Variants in PAX8 observed in about 807,000 individuals in gnomAD.
PAX8 encodes the protein paired box 8.
Under a neutral mutation model 52.4 loss-of-function variants are expected in PAX8, and 15 were observed. That is an observed-to-expected ratio of 0.29 (90% confidence interval 0.19 to 0.44). The LOEUF is 0.44. Among genes scored for constraint, PAX8 ranks in the 20% least tolerant of loss-of-function variants. The probability of loss-of-function intolerance (pLI) is 1.00; values close to 1 mark genes in which losing one functional copy is unlikely to be tolerated. For missense variants in PAX8, 554 were observed against 602.5 expected (o/e 0.92, Z 0.84); for synonymous variants, 284 against 249.7 (o/e 1.14, Z -1.29).
At chr2:113,219,718 G>A (rs1284795481) in intron 11 of PAX8, among the ~76,000 whole-genome samples, 5 of 152,172 alleles carry the variant, frequency 3.3e-5, no homozygotes, top group East Asian at 1.9e-4. Context: ...GGTGCCCTGC[G>A]TCAGTGTCTG....
chr2:113,253,341 C>T (rs1691935147), intron 2 of PAX8, among the ~76,000 whole-genome samples: 1 of 152,120 alleles, frequency 6.6e-6, no homozygotes, highest in Non-Finnish European at 1.5e-5. Flanking sequence ...CAGGTAACCC[C>T]AGTCAGGTCC....
intron 9 of PAX8, among the ~76,000 whole-genome samples, chr2:113,229,093 T>C (rs1176919197): frequency 6.6e-6 from 1 of 152,142 alleles, no homozygotes; most frequent in Admixed American, 6.5e-5. Context: ...GGATAGGCAT[T>C]TGGAGCCAAG....
chr2:113,252,330 T>G (rs1220367893), intron 2 of PAX8, among the ~76,000 whole-genome samples: 4 of 152,156 alleles, frequency 2.6e-5, no homozygotes, highest in Non-Finnish European at 5.9e-5. Context: ...CAGCTTGGTG[T>G]TGTTGCCTTC....
chr2:113,240,874 T>TGTCTGCTA (rs1240088626), intron 7 of PAX8: 2 of 160,988 alleles, frequency 1.2e-5, no homozygotes, highest in African/African-American at 4.8e-5. Flanking sequence ...TGTACCTGTC[T>TGTCTGCTA]GTCTGCTAGA....
In PAX8 at chr2:113,220,126, G is replaced by A. The variant is rs200817352; in HGVS notation, c.1242C>T (p.Ser414=). 626 of 1,613,916 alleles carry A rather than the reference G, an allele frequency of 3.9e-4. 8 individuals are homozygous for A. In the Admixed American group the frequency reaches 9.5e-3, roughly 25 times the overall value. ...TGGAGTTGGGGAAGCGCCAGGCCTC[G>A]CTGTAGGAGGAGTAGGGGGTGTGGC... ...AYGHTPYSSY[S]EAWRFPNSSL... is the part of the protein sequence containing the mutation. The change falls in exon 11 of 12, where the codon AGC becomes AGT. Residue 414 remains serine (S), a synonymous_variant. Transcript: ENST00000429538.
chr2:113,227,285 T>G, intron 9 of PAX8, 29 bp from the exon 10 acceptor site: 1 of 1,557,776 alleles, frequency 6.4e-7, no homozygotes, highest in Non-Finnish European at 8.8e-7. Flanking sequence ...GAGTCGTCAG[T>G]TGGACCATGG....
Position 113,217,013 on chromosome 2 carries a change from G to A in PAX8, c.*1520C>T. The A allele has an allele frequency of 4.3e-6, 1 of 231,270 alleles. No individual in the cohort carries two copies. The highest frequency in any genetic ancestry group is 8.6e-6 in the Non-Finnish European group (1 of 116,780). The allele number at this position is 231,270 out of a possible 1,614,324, so 14.3% of individuals were successfully genotyped here. ...TCTCTCTCCCTTCAGAGCTGTTTAT[G>A]CAGGCTCCAGTCACAGCTATTCCCG... is the stretch of plus-strand genomic sequence containing the variant. On this transcript the variant is annotated 3_prime_UTR_variant, in exon 12 of 12. Transcript: ENST00000429538.
At chr2:113,261,329 G>A (rs977825301) in intron 2 of PAX8, among the ~76,000 whole-genome samples, 1 of 152,094 alleles carries the variant, frequency 6.6e-6, no homozygotes, top group East Asian at 1.9e-4. Flanking sequence ...TACAACTCTG[G>A]GACTGCCCTC....
At chr2:113,246,179 C>T (rs780872394) in intron 3 of PAX8, among the ~76,000 whole-genome samples, 30 of 152,220 alleles carry the variant, frequency 2.0e-4, no homozygotes, top group Non-Finnish European at 2.9e-4. Context: ...CCAAAACTTG[C>T]GCCTATTTCC....
At chr2:113,249,268 G>GTGCCT (rs1164432046) in intron 2 of PAX8, among the ~76,000 whole-genome samples, 2 of 152,254 alleles carry the variant, frequency 1.3e-5, no homozygotes, top group Admixed American at 1.3e-4. Context: ...ACTGGCCAGA[G>GTGCCT]TGCCATTTGT....
intron 2 of PAX8, among the ~76,000 whole-genome samples, chr2:113,258,158 G>A (rs969904578): frequency 6.6e-6 from 1 of 152,164 alleles, no homozygotes; most frequent in Non-Finnish European, 1.5e-5. Flanking sequence ...ACACTTCCAA[G>A]TCCTCTCCAG....
chr2:113,235,482 C>G lies in PAX8; in HGVS notation c.999G>C (p.Gln333His). Residue 333 changes from glutamine (Q) to histidine (H), a missense_variant, in exon 9 of 12, where the codon CAG becomes CAC. Around this residue, in one of 2 missense-constraint regions of PAX8, gnomAD observed 445 missense variants for 409.9 expected, o/e 1.09. Transcript: ENST00000429538. ...AGGGCGGGACCCCGGAGCCGACTTGCTGCAGATCCAAAAAGGCGGAGCTAG... is the reference window on the plus strand; with the variant it reads ...AGGGCGGGACCCCGGAGCCGACTTGGTGCAGATCCAAAAAGGCGGAGCTAG... The part of the protein sequence containing the change: ...SLSSSAFLDL[Q>H]QVGSGVPPFN... 6.2e-7 allele frequency: 1 copy of G among 1,613,704 alleles called. No homozygotes were observed. The highest frequency in any genetic ancestry group is 1.1e-5 in the South Asian group (1 of 91,022).
intron 2 of PAX8, chr2:113,255,362 G>T (rs1038053174): frequency 3.3e-5 from 5 of 151,250 alleles, no homozygotes; most frequent in African/African-American, 1.2e-4. Flanking sequence ...CACCTTCTTT[G>T]CCTTAAACAG....
rs544287331 is a variant in PAX8, at chr2:113,251,638, A to G, written c.26-4719T>C. 2.6e-5 allele frequency among the ~76,000 whole-genome samples: 4 copies of G among 152,316 alleles called. No homozygotes were observed. In the East Asian group the frequency reaches 7.7e-4, roughly 29 times the overall value. On this transcript the variant is annotated intron_variant, in intron 2 of 11. Transcript: ENST00000429538. Reference sequence around the variant, plus strand: ...TAGGTGAAGCTTGCTGTCCAGAAACATATCCTTTTGAAAAGTGACCATTCA... The same window carrying G: ...TAGGTGAAGCTTGCTGTCCAGAAACGTATCCTTTTGAAAAGTGACCATTCA...
intron 10 of PAX8, among the ~76,000 whole-genome samples, chr2:113,221,733 G>A (rs752380115): frequency 6.6e-6 from 1 of 152,156 alleles, no homozygotes; most frequent in Non-Finnish European, 1.5e-5. Flanking sequence ...CTGGGTTGGG[G>A]TTAGTGGGAG....
rs1418022777 is a variant in PAX8 at position 113,246,831 on chromosome 2, G to C, written c.114C>G (p.Ala38=). The C allele has an allele frequency of 1.2e-6, 2 of 1,614,214 alleles. No individual in the cohort carries two copies. The highest frequency in any genetic ancestry group is 3.3e-5 in the Admixed American group (2 of 60,034). Reference sequence around the variant, plus strand: ...TGTCGCAGGGCCTTACACCCTGGTGGGCCAGGTCTACGATGCGCTGGCGGA... The same window carrying C: ...TGTCGCAGGGCCTTACACCCTGGTGCGCCAGGTCTACGATGCGCTGGCGGA... The part of the protein sequence containing the change: ...EVVRQRIVDL[A]HQGVRPCDIS... Residue 38 remains alanine (A), a synonymous_variant, in exon 3 of 12, where the codon GCC becomes GCG. Coordinates refer to ENST00000429538, the MANE Select transcript of PAX8 (RefSeq NM_003466.4).
intron 10 of PAX8, chr2:113,226,926 C>G: frequency 7.0e-7 from 1 of 1,436,160 alleles, no homozygotes; most frequent in South Asian, 1.3e-5. Flanking sequence ...GGTAATGTAG[C>G]AGGCCTGGGA....
At chr2:113,237,971 C>A (rs1229999721) in intron 7 of PAX8, 1 of 152,160 alleles carries the variant, frequency 6.6e-6, no homozygotes, top group Non-Finnish European at 1.5e-5. Context: ...ACCAGGGCAC[C>A]ATTAGCACAT....
intron 2 of PAX8, among the ~76,000 whole-genome samples, chr2:113,277,822 C>T (rs927305213): frequency 2.6e-5 from 4 of 152,148 alleles, no homozygotes; most frequent in Non-Finnish European, 4.4e-5. Flanking sequence ...CCGGCCTGCC[C>T]GGTGCTGGGC....
Sources: gnomAD v4.1 joint callset for allele counts (sites outside exome capture counted in the v4.1 genomes callset) on GRCh38, gnomAD v4.1.1 for gene constraint, gnomAD v4.1.1 regional missense constraint, MANE v1.5 for transcripts, NCBI Gene and HGNC (gene_info 2026-07-23, HGNC 2026-07-21) for gene names.